Variants in ADAMTS17 observed in about 807,000 individuals in gnomAD.
ADAMTS17 encodes ADAM metallopeptidase with thrombospondin type 1 motif 17, also known as A disintegrin and metalloproteinase with thrombospondin motifs 17.
In ADAMTS17, 113 loss-of-function variants were observed where a neutral mutation model predicts 141.5. That is an observed-to-expected ratio of 0.80 (90% confidence interval 0.69 to 0.93). The LOEUF is 0.93. Among genes scored for constraint, ADAMTS17 ranks in the 40% least tolerant of loss-of-function variants. ADAMTS17 has a pLI of 0.00. For synonymous variants in ADAMTS17, 768 were observed against 630.6 expected (o/e 1.22, Z -3.27); for missense variants, 1,659 against 1,517.9 (o/e 1.09, Z -1.54).
chr15:100,193,122 C>T (rs368457691), intron 8 of ADAMTS17, among the ~76,000 whole-genome samples: 191 of 152,382 alleles, frequency 1.3e-3, no homozygotes, highest in African/African-American at 4.5e-3. Flanking sequence ...CACCTGCCCT[C>T]TGGCCTTGCA....
chr15:100,106,728 G>A (rs949330437), intron 14 of ADAMTS17, among the ~76,000 whole-genome samples: 3 of 152,218 alleles, frequency 2.0e-5, no homozygotes, highest in East Asian at 1.9e-4. Flanking sequence ...TGGGAGGAAC[G>A]TTAAGTCGTT....
intron 20 of ADAMTS17, among the ~76,000 whole-genome samples, chr15:99,985,050 C>T (rs554624993): frequency 1.3e-3 from 193 of 152,376 alleles, no homozygotes; most frequent in African/African-American, 4.4e-3. Context: ...CCTGGGACCT[C>T]GCTGCTCTTC....
chr15:100,024,907 T>A (rs111334418), intron 18 of ADAMTS17, among the ~76,000 whole-genome samples: 1 of 152,164 alleles, frequency 6.6e-6, no homozygotes, highest in African/African-American at 2.4e-5. Flanking sequence ...AAATAAACAA[T>A]AAGAACCACA....
Position 100,183,860 on chromosome 15 carries a change from A to C in ADAMTS17, c.1181+15458T>G, listed in dbSNP as rs75739776. On this transcript the variant is annotated intron_variant, in intron 8 of 21. Coordinates refer to ENST00000268070, the MANE Select transcript of ADAMTS17 (RefSeq NM_139057.4). ...TTCAGAGGCCCTGCAATGTTATCCC[A>C]ATCTGCTTTGTTTTTATGGTATCGT... is the stretch of plus-strand genomic sequence containing the variant. Among the ~76,000 whole-genome samples the C allele has an allele frequency of 1.2e-3, 189 of 152,256 alleles. 9 individuals carry two copies. The East Asian group carries it at 0.028, about 23-fold the overall frequency.
intron 15 of ADAMTS17, among the ~76,000 whole-genome samples, chr15:100,084,000 A>C (rs1386997114): frequency 6.6e-6 from 1 of 151,974 alleles, no homozygotes; most frequent in African/African-American, 2.4e-5. Flanking sequence ...TGGGTGCAGG[A>C]CAGTGGGTGC....
intron 8 of ADAMTS17, among the ~76,000 whole-genome samples, chr15:100,162,968 G>GTA (rs34114633): frequency 7.5e-5 from 10 of 134,008 alleles, no homozygotes; most frequent in Non-Finnish European, 1.4e-4. Context: ...AACTATATAT[G>GTA]TATATATATG....
intron 3 of ADAMTS17, among the ~76,000 whole-genome samples, chr15:100,291,087 T>C (rs1277049719): frequency 6.6e-6 from 1 of 152,296 alleles, no homozygotes; most frequent in East Asian, 1.9e-4. Context: ...TGAGAGGAAA[T>C]ATTTGCAAAC....
At chr15:99,984,430 A>C (rs2060544107) in intron 20 of ADAMTS17, among the ~76,000 whole-genome samples, 2 of 152,238 alleles carry the variant, frequency 1.3e-5, no homozygotes, top group Non-Finnish European at 2.9e-5. Context: ...TGGGGACTGA[A>C]GCACACTCGA....
chr15:100,207,184 A>G (rs1296804463), intron 7 of ADAMTS17, among the ~76,000 whole-genome samples: 1 of 151,842 alleles, frequency 6.6e-6, no homozygotes. Context: ...AGAAGAAGAG[A>G]CACTAGAGGT....
intron 10 of ADAMTS17, among the ~76,000 whole-genome samples, chr15:100,135,408 C>T (rs539044738): frequency 1.3e-5 from 2 of 152,018 alleles, no homozygotes; most frequent in Non-Finnish European, 2.9e-5. Flanking sequence ...CTCAGCCTTC[C>T]GAGTAGCTGG....
chr15:100,189,133 C>G (rs1187103651), intron 8 of ADAMTS17, among the ~76,000 whole-genome samples: 1 of 152,158 alleles, frequency 6.6e-6, no homozygotes, highest in Non-Finnish European at 1.5e-5. Context: ...GCTGCTGGTC[C>G]AAGACTACAC....
At chr15:100,340,287 G>A (rs1015676214) in intron 2 of ADAMTS17, among the ~76,000 whole-genome samples, 5 of 152,202 alleles carry the variant, frequency 3.3e-5, no homozygotes, top group African/African-American at 1.2e-4. Flanking sequence ...GGGAGCACCT[G>A]TTCCGGGTGC....
At position 99,997,610 on chromosome 15, in the gene ADAMTS17, G is replaced by C. The variant is rs779698939; in HGVS notation, c.2592-21C>G. The C allele has an allele frequency of 3.1e-6, 5 of 1,612,156 alleles. No homozygotes were observed. In the South Asian group the frequency reaches 5.5e-5, roughly 18 times the overall value. On this transcript the variant is annotated intron_variant, in intron 18 of 21. Transcript: ENST00000268070. This position sits in a 1 kb window ranked among gnomAD's most constrained non-coding sequence, Gnocchi z 4.7. ...CCCACCTGCCAGACGGGAGGAAAGAGAGAGAGAACGACTGGGTGAGAGGCC... is the reference window on the plus strand; with the variant it reads ...CCCACCTGCCAGACGGGAGGAAAGACAGAGAGAACGACTGGGTGAGAGGCC...
intron 6 of ADAMTS17, among the ~76,000 whole-genome samples, chr15:100,259,037 T>C (rs1408301614): frequency 1.3e-5 from 2 of 152,110 alleles, no homozygotes; most frequent in Non-Finnish European, 2.9e-5. Context: ...AGAGAAAACT[T>C]TTTCCAATGT....
chr15:100,032,740 T>C (rs1034708960), intron 18 of ADAMTS17, among the ~76,000 whole-genome samples: 4 of 152,182 alleles, frequency 2.6e-5, no homozygotes, highest in Non-Finnish European at 5.9e-5. Flanking sequence ...GAGGAAAACA[T>C]TGTTTTGCAT....
At chr15:100,064,636 A>G (rs2033384880) in intron 15 of ADAMTS17, among the ~76,000 whole-genome samples, 1 of 152,090 alleles carries the variant, frequency 6.6e-6, no homozygotes, top group African/African-American at 2.4e-5. Flanking sequence ...ACCTTTGGCC[A>G]TTTCACTTGT....
At chr15:100,087,134 C>G (rs1023728965) in intron 15 of ADAMTS17, among the ~76,000 whole-genome samples, 2 of 152,054 alleles carry the variant, frequency 1.3e-5, no homozygotes, top group African/African-American at 4.8e-5. Context: ...ATCAAATAGA[C>G]ACAATACAAA....
chr15:100,061,880 C>A (rs2033148762), intron 15 of ADAMTS17, among the ~76,000 whole-genome samples: 1 of 152,194 alleles, frequency 6.6e-6, no homozygotes, highest in African/African-American at 2.4e-5. Flanking sequence ...GGAGGGCCTC[C>A]AGTACATTCA....
intron 20 of ADAMTS17, among the ~76,000 whole-genome samples, chr15:99,981,041 T>TCCAC (rs1567638014): frequency 6.6e-6 from 1 of 152,182 alleles, no homozygotes; most frequent in East Asian, 1.9e-4. Flanking sequence ...TTGGCACGGG[T>TCCAC]CCACGTCTTG....
Sources: allele counts gnomAD v4.1 joint callset (sites outside exome capture counted in the v4.1 genomes callset), GRCh38; gene constraint gnomAD v4.1.1; non-coding constraint Gnocchi (gnomAD v3.1); transcripts MANE v1.5; gene names NCBI Gene and HGNC (gene_info 2026-07-23, HGNC 2026-07-21).